The following TMEM229B variants were observed in gnomAD, a reference collection of about 807,000 sequenced individuals.
TMEM229B encodes the protein chromosome 14 open reading frame 83.
A neutral mutation model predicts 13.7 loss-of-function variants in TMEM229B; 6 were observed. That is an observed-to-expected ratio of 0.44 (90% CI 0.24 to 0.86). TMEM229B has a LOEUF of 0.86. Ranked by LOEUF, TMEM229B falls within the 40% of genes least tolerant of loss-of-function variation. The pLI is 0.23. For missense variants in TMEM229B, 170 were observed against 236.0 expected (o/e 0.72, Z 1.83); for synonymous variants, 107 against 102.1 (o/e 1.05, Z -0.29).
chr14:67,492,715 A>C (rs988299370), upstream of TMEM229B, among the ~76,000 whole-genome samples: 11 of 152,160 alleles, frequency 7.2e-5, no homozygotes, highest in Non-Finnish European at 1.3e-4. Flanking sequence ...CCACCTAGAG[A>C]TTTCTAAACA....
chr14:67,510,206 T>C (rs967620054), intron 1 of TMEM229B, among the ~76,000 whole-genome samples: 7 of 152,198 alleles, frequency 4.6e-5, no homozygotes, highest in African/African-American at 7.2e-5. Flanking sequence ...ATGCTTAGCC[T>C]AATAAATGGT....
chr14:67,531,439 G>T (rs67138363), intron 1 of TMEM229B, among the ~76,000 whole-genome samples: 41,257 of 151,878 alleles, frequency 0.27, 5,729 homozygotes, highest in Non-Finnish European at 0.3. Flanking sequence ...GTCCTGCTCA[G>T]AGTTGGGCAA....
At chr14:67,515,022 G>C (rs1255243322) in intron 1 of TMEM229B, 2 of 152,444 alleles carry the variant, frequency 1.3e-5, no homozygotes, top group East Asian at 3.9e-4. Context: ...CGGAGCTGCC[G>C]GCCCCTCGCG....
chr14:67,523,381 A>C (rs1389290269), intron 1 of TMEM229B, among the ~76,000 whole-genome samples: 1 of 152,104 alleles, frequency 6.6e-6, no homozygotes, highest in Non-Finnish European at 1.5e-5. Flanking sequence ...GTACAGTGCT[A>C]GGGAAAAAAA....
At chr14:67,499,715 A>G (rs1291070289) in intron 1 of TMEM229B, among the ~76,000 whole-genome samples, 3 of 152,174 alleles carry the variant, frequency 2.0e-5, no homozygotes, top group Non-Finnish European at 4.4e-5. Context: ...GACCTCCAAT[A>G]GGTTAAAAAG....
intron 2 of TMEM229B, among the ~76,000 whole-genome samples, chr14:67,480,211 A>C (rs1461125898): frequency 1.3e-5 from 2 of 152,234 alleles, no homozygotes; most frequent in East Asian, 3.9e-4. Flanking sequence ...TACCCGATGC[A>C]GGGTCACTGT....
At chr14:67,510,028 A>AC (rs2032976234) in intron 1 of TMEM229B, among the ~76,000 whole-genome samples, 1 of 81,284 alleles carries the variant, frequency 1.2e-5, no homozygotes, top group East Asian at 2.7e-4. Flanking sequence ...TTTTTTTATT[A>AC]AAAAAAAAAA....
upstream of TMEM229B, among the ~76,000 whole-genome samples, chr14:67,516,364 G>A (rs954549142): frequency 6.6e-6 from 1 of 151,040 alleles, no homozygotes; most frequent in Non-Finnish European, 1.5e-5. Flanking sequence ...CCTGATCTGA[G>A]GGGTCTAATG....
At position 67,473,777 on chromosome 14, in the gene TMEM229B, G is replaced by A. The variant is rs1446438618; in HGVS notation, c.147C>T (p.Ala49=). The change falls in exon 3 of 3, where the codon GCC becomes GCT. Residue 49 remains alanine (A), a synonymous_variant. Coordinates refer to ENST00000554480, the MANE Select transcript of TMEM229B (RefSeq NM_001348543.2). The surrounding 1 kb of genome is among the most constrained non-coding windows in gnomAD (Gnocchi z 6.5). ...WKFPGVTSVW[A]LFIYGTSILI... is the part of the protein sequence containing the mutation. ...GGATGGAGGTGCCGTAGATGAAGAGGGCCCACACGCTCGTGACCCCAGGGA... is the reference window on the plus strand; with the variant it reads ...GGATGGAGGTGCCGTAGATGAAGAGAGCCCACACGCTCGTGACCCCAGGGA... The A allele has an allele frequency of 6.2e-7, 1 of 1,613,934 alleles. No individual in the cohort carries two copies. Among genetic ancestry groups the A allele is most frequent in the African/African-American group, 1.3e-5 (1 of 75,044 alleles).
At position 67,470,700 on chromosome 14, in the gene TMEM229B, C is replaced by T. The variant is rs1411840284; in HGVS notation, c.*2720G>A. The T allele has an allele frequency of 6.6e-6, 1 of 152,064 alleles. No homozygotes were observed. Among genetic ancestry groups the T allele is most frequent in the African/African-American group, 2.5e-5 (1 of 40,796 alleles). The allele number at this position is 152,064 out of a possible 1,614,324, so 9.4% of individuals were successfully genotyped here. A position where few individuals can be genotyped will look rare whatever the true frequency, so the allele number is the denominator to read the frequency against. ...TATTATTGCTGTGAATAAGCATAGG[C>T]CATTGTGACTCACTGGCATTGAAGA... On this transcript the variant is annotated 3_prime_UTR_variant, in exon 3 of 3. Coordinates refer to ENST00000554480, the MANE Select transcript of TMEM229B (RefSeq NM_001348543.2).
chr14:67,481,420 G>A (rs1209520088), intron 2 of TMEM229B, among the ~76,000 whole-genome samples: 1 of 152,188 alleles, frequency 6.6e-6, no homozygotes, highest in Admixed American at 6.6e-5. Flanking sequence ...CCACGGCAAT[G>A]TCAGACAGTG....
intron 1 of TMEM229B, among the ~76,000 whole-genome samples, chr14:67,523,302 T>C (rs527974389): frequency 6.9e-6 from 1 of 145,942 alleles, no homozygotes; most frequent in African/African-American, 2.6e-5. Flanking sequence ...CCACCTGGGT[T>C]ACAGAGTAAG....
chr14:67,491,071 A>G (rs2032148880), upstream of TMEM229B, among the ~76,000 whole-genome samples: 1 of 152,162 alleles, frequency 6.6e-6, no homozygotes, highest in Non-Finnish European at 1.5e-5. Context: ...TCACAAGTAG[A>G]TCGTCACCTA....
At chr14:67,523,576 C>T (rs2033321948) in intron 1 of TMEM229B, among the ~76,000 whole-genome samples, 1 of 152,192 alleles carries the variant, frequency 6.6e-6, no homozygotes, top group Non-Finnish European at 1.5e-5. Flanking sequence ...AGATTCTACA[C>T]CTCCACGCAG....
intron 2 of TMEM229B, among the ~76,000 whole-genome samples, chr14:67,475,957 G>A (rs1009630662): frequency 1.1e-4 from 17 of 152,198 alleles, no homozygotes; most frequent in African/African-American, 2.7e-4. Flanking sequence ...TGGCCTTGAC[G>A]CAGGCCCGTC....
At chr14:67,500,415 A>T (rs1016174363) in intron 1 of TMEM229B, among the ~76,000 whole-genome samples, 2 of 151,958 alleles carry the variant, frequency 1.3e-5, no homozygotes, top group Admixed American at 6.6e-5. Context: ...CAGAGGTTGC[A>T]GGTGAGCTGA....
At position 67,472,128 on chromosome 14, in the gene TMEM229B, G is replaced by C. The variant is rs1232158183; in HGVS notation, c.*1292C>G. ...GCTCAAAGGGTCAGCCTTGCTGGGA[G>C]GAGTTTGGGGAGAGGGGCAGCCCTG... On this transcript the variant is annotated 3_prime_UTR_variant, in exon 3 of 3. Coordinates refer to ENST00000554480, the MANE Select transcript of TMEM229B (RefSeq NM_001348543.2). 6.6e-6 allele frequency: 1 copy of C among 152,354 alleles called. No homozygotes were observed. The highest frequency in any genetic ancestry group is 1.5e-5 in the Non-Finnish European group (1 of 68,140). 9.4% of individuals were successfully genotyped at this position (152,354 alleles called of 1,614,324 possible). A position where few individuals can be genotyped will look rare whatever the true frequency, so the allele number is the denominator to read the frequency against.
chr14:67,476,277 G>T (rs1055152892), intron 2 of TMEM229B, among the ~76,000 whole-genome samples: 3 of 152,186 alleles, frequency 2.0e-5, no homozygotes, highest in African/African-American at 7.2e-5. Context: ...TTCGCATTTT[G>T]TCATGGTTCT....
chr14:67,525,130 G>A (rs1230950299), intron 1 of TMEM229B, among the ~76,000 whole-genome samples: 1 of 152,026 alleles, frequency 6.6e-6, no homozygotes, highest in Non-Finnish European at 1.5e-5. Context: ...ATATAGAAAA[G>A]AACAAAGCAG....
Sources: gnomAD v4.1 joint callset for allele counts (sites outside exome capture counted in the v4.1 genomes callset) on GRCh38, gnomAD v4.1.1 for gene constraint, Gnocchi (gnomAD v3.1) non-coding constraint, MANE v1.5 for transcripts, NCBI Gene and HGNC (gene_info 2026-07-23, HGNC 2026-07-21) for gene names.